FBXL20: variants seen among roughly 807,000 people sequenced by gnomAD.
FBXL20 encodes the protein F-box/LRR-repeat protein 20.
A neutral mutation model predicts 64.0 loss-of-function variants in FBXL20; 11 were observed. The observed-to-expected ratio is 0.17, with a 90% CI of 0.11 to 0.28. The LOEUF (loss-of-function observed/expected upper bound fraction) is 0.28, where lower values mean the gene tolerates loss of function less well. Ranked by LOEUF, FBXL20 falls within the 10% of genes least tolerant of loss-of-function variation. The probability of loss-of-function intolerance (pLI) is 1.00; values close to 1 mark genes in which losing one functional copy is unlikely to be tolerated. For missense variants in FBXL20, 303 were observed against 526.2 expected (o/e 0.58, Z 4.15); for synonymous variants, 184 against 189.0 (o/e 0.97, Z 0.22).
intron 2 of FBXL20, among the ~76,000 whole-genome samples, chr17:39,325,975 C>A (rs774592641): frequency 7.2e-5 from 11 of 152,096 alleles, no homozygotes; most frequent in Non-Finnish European, 1.5e-4. Context: ...GGGGGCAGAT[C>A]CCTCATGAAT....
At chr17:39,282,515 CCCT>C (rs1349077131) in intron 8 of FBXL20, among the ~76,000 whole-genome samples, 1 of 152,148 alleles carries the variant, frequency 6.6e-6, no homozygotes, top group Non-Finnish European at 1.5e-5. Flanking sequence ...CACTTTGTCT[CCCT>C]CCTCCTCAAG....
chr17:39,306,002 C>A lies in FBXL20; in HGVS notation c.105-2363G>T, dbSNP rs201900570. Among the ~76,000 whole-genome samples the A allele has an allele frequency of 3.8e-4, 57 of 148,994 alleles. 1 individual carries two copies. The East Asian group carries it at 4.8e-3, about 12-fold the overall frequency. On this transcript the variant is annotated intron_variant, in intron 2 of 14. Transcript: ENST00000264658. ...GACTGTGTCTCAAAAAACAAACAAA[C>A]AAAAAAAAACAAAGTAGCCAGGCAT... is the stretch of plus-strand genomic sequence containing the variant.
upstream of FBXL20, chr17:39,402,303 C>CGGT: frequency 1.1e-6 from 1 of 929,432 alleles, no homozygotes. Flanking sequence ...GCCGCCTCCC[C>CGGT]CGCCTCCCCC....
rs2047026535 is a variant in FBXL20, at chr17:39,290,262, T to C, written c.399-4689A>G. On this transcript the variant is annotated intron_variant, in intron 6 of 14. Coordinates refer to ENST00000264658, the MANE Select transcript of FBXL20 (RefSeq NM_032875.3). ...GAAATAGAATTGAGTTTTTGCAAAG[T>C]AGTCATGTATCTCATTACTTTGCTA... Among the ~76,000 whole-genome samples the C allele has an allele frequency of 2.0e-5, 3 of 152,120 alleles. No homozygotes were observed. The South Asian group carries it at 6.2e-4, about 32-fold the overall frequency.
intron 1 of FBXL20, among the ~76,000 whole-genome samples, chr17:39,374,122 G>A (rs1429594099): frequency 6.6e-6 from 1 of 152,110 alleles, no homozygotes; most frequent in African/African-American, 2.4e-5. Flanking sequence ...CTACTCAGGA[G>A]GCTAAGGCAG....
chr17:39,322,854 G>C (rs1014315185), intron 2 of FBXL20, among the ~76,000 whole-genome samples: 3 of 151,892 alleles, frequency 2.0e-5, no homozygotes, highest in African/African-American at 7.3e-5. Flanking sequence ...ATCCAGGCTG[G>C]AGTGCAGTGG....
chr17:39,372,516 CAAAAAAAAAAA>C (rs747264126), intron 1 of FBXL20, among the ~76,000 whole-genome samples: 4 of 41,162 alleles, frequency 9.7e-5, no homozygotes, highest in African/African-American at 2.3e-4. Flanking sequence ...AGACTCTGAC[CAAAAAAAAAAA>C]AAAAAAAAAA....
At chr17:39,284,730 A>AT (rs1436240209) in intron 7 of FBXL20, among the ~76,000 whole-genome samples, 1 of 152,080 alleles carries the variant, frequency 6.6e-6, no homozygotes, top group African/African-American at 2.4e-5. Flanking sequence ...GTTGAGCCAC[A>AT]TGTAGCTGTC....
chr17:39,279,923 G>A (rs994826205), intron 9 of FBXL20, among the ~76,000 whole-genome samples: 1 of 152,108 alleles, frequency 6.6e-6, no homozygotes, highest in Non-Finnish European at 1.5e-5. Flanking sequence ...GCTTACGCCT[G>A]TAATCCCAGC....
rs770647171 is a variant in FBXL20 at position 39,275,044 on chromosome 17, G to T, written c.753C>A (p.Ser251=). The T allele has an allele frequency of 5.6e-6, 9 of 1,613,818 alleles. No homozygotes were observed. The highest frequency in any genetic ancestry group is 7.6e-6 in the Non-Finnish European group (9 of 1,179,970). ...TICRGCHKLQ[S]LCASGCSNIT... is the part of the protein sequence containing the mutation. ...TGTTGGAGCAGCCAGAGGCACAAAG[G>T]GATTGTAACTTATGGCACCCTCTGC... The change falls in exon 10 of 15, where the codon TCC becomes TCA. Residue 251 remains serine (S), a synonymous_variant. Coordinates refer to ENST00000264658, the MANE Select transcript of FBXL20 (RefSeq NM_032875.3).
At chr17:39,386,994 A>G (rs1029231117) in intron 1 of FBXL20, among the ~76,000 whole-genome samples, 2 of 152,222 alleles carry the variant, frequency 1.3e-5, no homozygotes, top group Non-Finnish European at 2.9e-5. Context: ...CTAGGTATGT[A>G]ATACAGGTGT....
At chr17:39,317,270 C>A (rs1459242910) in intron 2 of FBXL20, among the ~76,000 whole-genome samples, 2 of 152,136 alleles carry the variant, frequency 1.3e-5, no homozygotes, top group African/African-American at 4.8e-5. Flanking sequence ...CTCACTCCAT[C>A]ACCCAGGGTG....
At chr17:39,378,420 C>T (rs974332343) in intron 1 of FBXL20, among the ~76,000 whole-genome samples, 1 of 152,058 alleles carries the variant, frequency 6.6e-6, no homozygotes, top group South Asian at 2.1e-4. Context: ...GTCTGAGCAA[C>T]AGAGCAAAAC....
intron 1 of FBXL20, among the ~76,000 whole-genome samples, chr17:39,397,899 T>C (rs903869845): frequency 4.6e-5 from 7 of 151,314 alleles, no homozygotes; most frequent in African/African-American, 1.7e-4. Flanking sequence ...CCCCACTTAC[T>C]AGGTGTGCAA....
intron 1 of FBXL20, among the ~76,000 whole-genome samples, chr17:39,368,951 G>A (rs956714258): frequency 2.6e-5 from 4 of 151,996 alleles, no homozygotes; most frequent in Non-Finnish European, 4.4e-5. Context: ...CACCCCGCCC[G>A]AACCCATTTT....
intron 1 of FBXL20, among the ~76,000 whole-genome samples, chr17:39,394,611 C>A (rs1308152673): frequency 2.7e-5 from 4 of 150,418 alleles, no homozygotes; most frequent in Non-Finnish European, 4.4e-5. Flanking sequence ...GTCTCCCAGG[C>A]TGAAGTGCGC....
At chr17:39,304,034 A>G (rs1052180572) in intron 2 of FBXL20, among the ~76,000 whole-genome samples, 1 of 147,442 alleles carries the variant, frequency 6.8e-6, no homozygotes, top group African/African-American at 2.6e-5. Flanking sequence ...ACATGTATAT[A>G]CACACACAAA....
chr17:39,279,878 C>G (rs900879011), intron 9 of FBXL20, among the ~76,000 whole-genome samples: 7 of 151,486 alleles, frequency 4.6e-5, no homozygotes, highest in Admixed American at 2.6e-4. Context: ...GGTAACACAG[C>G]AAGACTCTGT....
At chr17:39,298,934 A>G in intron 5 of FBXL20, 56 bp downstream of exon 5, 2 of 1,390,558 alleles carry the variant, frequency 1.4e-6, no homozygotes, top group Non-Finnish European at 2.0e-6. Context: ...TTTCTGGGTG[A>G]GATGGTGCTG....
Sources: allele counts gnomAD v4.1 joint callset (sites outside exome capture counted in the v4.1 genomes callset), GRCh38; gene constraint gnomAD v4.1.1; transcripts MANE v1.5; gene names NCBI Gene and HGNC (gene_info 2026-07-23, HGNC 2026-07-21).